Variants in PCDHA9 observed in about 807,000 individuals in gnomAD.
The protein encoded by PCDHA9 is protocadherin alpha 9.
A neutral mutation model predicts 62.0 loss-of-function variants in PCDHA9; 62 were observed. The observed-to-expected ratio is 1.00, with a 90% CI of 0.81 to 1.23. PCDHA9 has a LOEUF of 1.23. PCDHA9 is among the 50% of genes most tolerant of loss of function. PCDHA9 has a pLI of 0.00. For synonymous variants in PCDHA9, 557 were observed against 567.6 expected (o/e 0.98, Z 0.27); for missense variants, 1,205 against 1,249.8 (o/e 0.96, Z 0.54).
chr5:140,895,561 T>C (rs1011627715), intron 1 of PCDHA9, among the ~76,000 whole-genome samples: 2 of 152,240 alleles, frequency 1.3e-5, no homozygotes, highest in Non-Finnish European at 2.9e-5. Flanking sequence ...TCTTTATATA[T>C]TCTAGATGCA....
chr5:140,992,847 A>G (rs183404145), intron 3 of PCDHA9, among the ~76,000 whole-genome samples: 1 of 152,264 alleles, frequency 6.6e-6, no homozygotes, highest in East Asian at 1.9e-4. Flanking sequence ...TTGTATAACA[A>G]CCAGTTTCAC....
chr5:140,967,756 C>T (rs1554229911), intron 1 of PCDHA9: 2 of 1,614,216 alleles, frequency 1.2e-6, no homozygotes, highest in Middle Eastern at 1.6e-4. Context: ...AAGCCTCCTC[C>T]TACCAGATCT....
rs530025575 is a variant in PCDHA9 at position 140,922,023 on chromosome 5, TA to T, written c.2395-56920del. On this transcript the variant is annotated intron_variant, in intron 1 of 3. Coordinates refer to ENST00000532602, the MANE Select transcript of PCDHA9 (RefSeq NM_031857.2). ...AATGATTAGTTTAAAAAAATAAATA[TA>T]AAAAATGTAATTTTCCCACATACCT... Among the ~76,000 whole-genome samples, 1,214 of 152,080 alleles carry T rather than the reference TA, an allele frequency of 8.0e-3. 6 individuals carry two copies. The highest frequency in any genetic ancestry group is 0.019 in the African/African-American group (784 of 41,506).
At chr5:140,851,302 A>G (rs2042019677) in intron 1 of PCDHA9, 4 of 1,013,018 alleles carry the variant, frequency 3.9e-6, no homozygotes, top group Non-Finnish European at 3.7e-6. Context: ...AAAAATATAT[A>G]GCAATTGTTA....
At chr5:140,943,547 C>T (rs1376489824) in intron 1 of PCDHA9, among the ~76,000 whole-genome samples, 20 of 152,104 alleles carry the variant, frequency 1.3e-4, no homozygotes, top group African/African-American at 4.6e-4. Context: ...TGTAAATAGA[C>T]GTAGACAATA....
At position 140,967,211 on chromosome 5, in the gene PCDHA9, C is replaced by T. The variant is rs549238768; in HGVS notation, c.2395-11738C>T. On this transcript the variant is annotated intron_variant, in intron 1 of 3. Transcript: ENST00000532602. ...CATCAACGACAACTCACCGCGTTTC[C>T]CGCGGCCCAACTACCAGCTTCAGGT... 1.1e-5 allele frequency: 18 copies of T among 1,613,676 alleles called. No individual in the cohort carries two copies. The East Asian group carries it at 3.3e-4, about 30-fold the overall frequency.
At chr5:140,926,196 T>C (rs1175807987) in intron 1 of PCDHA9, among the ~76,000 whole-genome samples, 1 of 151,596 alleles carries the variant, frequency 6.6e-6, no homozygotes, top group Non-Finnish European at 1.5e-5. Context: ...CAGCACTTCT[T>C]TCGGGGGGCT....
intron 1 of PCDHA9, among the ~76,000 whole-genome samples, chr5:140,974,524 T>C (rs976398044): frequency 5.9e-5 from 9 of 152,210 alleles, no homozygotes; most frequent in African/African-American, 9.7e-5. Flanking sequence ...TATTTTAGTT[T>C]TTTTGAGACG....
intron 1 of PCDHA9, chr5:140,869,583 T>G: frequency 6.2e-7 from 1 of 1,614,152 alleles, no homozygotes; most frequent in Non-Finnish European, 8.5e-7. Flanking sequence ...CTTCTGATGC[T>G]GACATTGAAG....
At chr5:140,928,076 A>G (rs2084914697) in intron 1 of PCDHA9, 1 of 1,614,142 alleles carries the variant, frequency 6.2e-7, no homozygotes. Context: ...GACAACTACT[A>G]CAGCCTGCTG....
At chr5:140,998,722 G>A (rs572133347) in intron 3 of PCDHA9, among the ~76,000 whole-genome samples, 4 of 152,002 alleles carry the variant, frequency 2.6e-5, no homozygotes, top group Non-Finnish European at 4.4e-5. Flanking sequence ...GCACCACCAC[G>A]CTAGGCTAAT....
intron 1 of PCDHA9, chr5:140,855,847 C>A: frequency 3.1e-6 from 2 of 652,288 alleles, no homozygotes; most frequent in Non-Finnish European, 2.6e-6. Context: ...CACCTAAAGC[C>A]ACCGGATGTC....
chr5:140,871,573 T>A (rs1554165748), intron 1 of PCDHA9: 1 of 1,477,842 alleles, frequency 6.8e-7, no homozygotes, highest in Non-Finnish European at 9.0e-7. Flanking sequence ...ACGGATTTTT[T>A]AAGGGAAAGT....
chr5:140,849,666 C>T lies in PCDHA9; in HGVS notation c.1171C>T (p.Pro391Ser), dbSNP rs2041028520. Reference protein sequence around the residue: ...ANGQVTCSLTPHVPFKLVSTY... With the variant: ...ANGQVTCSLTSHVPFKLVSTY... ...CGGGCAGGTTACCTGCTCCCTGACG[C>T]CCCACGTCCCCTTCAAGCTGGTGTC... The change falls in exon 1 of 4, where the codon CCC (proline) becomes TCC (serine). Residue 391 changes from proline to serine, a missense_variant. By Grantham distance (74) the Pro-to-Ser change is moderately conservative. This residue lies in a region of PCDHA9 where 887 missense variants were observed against 809.5 expected (regional missense o/e 1.10). Transcript: ENST00000532602. The T allele has an allele frequency of 1.3e-6, 2 of 1,598,568 alleles. No homozygotes were observed. Among genetic ancestry groups the T allele is most frequent in the African/African-American group, 1.3e-5 (1 of 74,330 alleles).
chr5:140,978,653 G>A (rs527551897), intron 1 of PCDHA9, among the ~76,000 whole-genome samples: 25 of 152,314 alleles, frequency 1.6e-4, no homozygotes, highest in African/African-American at 5.5e-4. Flanking sequence ...TGTTCTTCCC[G>A]TAGTGTTTTA....
In PCDHA9 at chr5:140,893,987, T is replaced by C. The variant is rs112405686; in HGVS notation, c.2394+43098T>C. Among the ~76,000 whole-genome samples, 507 of 152,320 alleles carry C rather than the reference T, an allele frequency of 3.3e-3. 2 individuals carry two copies. The highest frequency in any genetic ancestry group is 0.012 in the African/African-American group (487 of 41,562). ...TAGATACTTTTATAATTTTAAAATA[T>C]CTCCAATTGTATGGTTGGTTCAAAT... is the stretch of plus-strand genomic sequence containing the variant. On this transcript the variant is annotated intron_variant, in intron 1 of 3. Transcript: ENST00000532602.
chr5:140,887,454 T>A (rs1234442880), intron 1 of PCDHA9, among the ~76,000 whole-genome samples: 5 of 152,178 alleles, frequency 3.3e-5, no homozygotes, highest in Non-Finnish European at 7.3e-5. Context: ...GACAGTTTTT[T>A]AAAAGATATA....
intron 1 of PCDHA9, among the ~76,000 whole-genome samples, chr5:140,887,315 C>G (rs1239122037): frequency 1.3e-5 from 2 of 152,116 alleles, no homozygotes; most frequent in Non-Finnish European, 2.9e-5. Flanking sequence ...CCAGGATAGT[C>G]TCGAACTCCT....
At chr5:140,951,723 A>C (rs1364455679) in intron 1 of PCDHA9, among the ~76,000 whole-genome samples, 1 of 152,104 alleles carries the variant, frequency 6.6e-6, no homozygotes, top group African/African-American at 2.4e-5. Context: ...GATCCAAACC[A>C]TGTCATTCTG....
Sources: allele counts gnomAD v4.1 joint callset (sites outside exome capture counted in the v4.1 genomes callset), GRCh38; gene constraint gnomAD v4.1.1; regional missense constraint gnomAD v4.1.1; transcripts MANE v1.5; gene names NCBI Gene and HGNC (gene_info 2026-07-23, HGNC 2026-07-21).